TXNDC8: variants seen among roughly 807,000 people sequenced by gnomAD.
The protein encoded by TXNDC8 is thioredoxin domain containing 8.
In TXNDC8, 15 loss-of-function variants were observed where a neutral mutation model predicts 12.9. That is an observed-to-expected ratio of 1.16 (90% CI 0.78 to 1.79). The LOEUF (loss-of-function observed/expected upper bound fraction) is 1.79, where lower values mean the gene tolerates loss of function less well. Ranked by LOEUF, TXNDC8 falls within the 40% of genes most tolerant of loss-of-function variation. The pLI is 0.00. For missense variants in TXNDC8, 128 were observed against 113.2 expected (o/e 1.13, Z -0.59); for synonymous variants, 40 against 35.4 (o/e 1.13, Z -0.46).
intron 3 of TXNDC8, among the ~76,000 whole-genome samples, chr9:110,307,029 A>AC (rs1353843637): frequency 6.6e-6 from 1 of 151,452 alleles, no homozygotes; most frequent in Admixed American, 6.6e-5. Context: ...GCAGTCTTGA[A>AC]CCCCAGGGCT....
At chr9:110,304,938 A>AG (rs1838372610) in intron 3 of TXNDC8, among the ~76,000 whole-genome samples, 1 of 152,120 alleles carries the variant, frequency 6.6e-6, no homozygotes, top group Admixed American at 6.5e-5. Flanking sequence ...ACTTGAGATC[A>AG]GGAGTTTGAA....
chr9:110,303,907 A>G (rs1268051547), intron 4 of TXNDC8, among the ~76,000 whole-genome samples: 5 of 152,218 alleles, frequency 3.3e-5, no homozygotes, highest in Non-Finnish European at 5.9e-5. Flanking sequence ...GCTCTTATAC[A>G]TTGGTATCGA....
At chr9:110,314,092 CA>C (rs1353955071) in intron 3 of TXNDC8, among the ~76,000 whole-genome samples, 1 of 152,220 alleles carries the variant, frequency 6.6e-6, no homozygotes, top group Non-Finnish European at 1.5e-5. Context: ...CCATTCTATT[CA>C]AACTCACCCC....
rs1219309061 is a variant in TXNDC8, at chr9:110,323,990, G to C, written c.195+2185C>G. The C allele has an allele frequency of 6.5e-6, 10 of 1,550,356 alleles. No homozygotes were observed. The East Asian group carries it at 2.4e-4, about 38-fold the overall frequency. On this transcript the variant is annotated intron_variant, in intron 3 of 4. Transcript: ENST00000423740. ...GGAGTTCACTGGTTGGTGTAGGCCT[G>C]GAGATGGAGCCCTAAGGAAGTACAT...
chr9:110,307,244 T>C (rs1419138084), intron 3 of TXNDC8, among the ~76,000 whole-genome samples: 2 of 152,098 alleles, frequency 1.3e-5, no homozygotes, highest in African/African-American at 4.8e-5. Flanking sequence ...TAAATCACTG[T>C]GCCTGGCTTT....
intron 2 of TXNDC8, among the ~76,000 whole-genome samples, chr9:110,331,330 C>A (rs760506962): frequency 2.6e-5 from 4 of 152,148 alleles, no homozygotes. Context: ...GCTTCTGACT[C>A]TGACCGCTGC....
At chr9:110,321,892 T>G (rs1392210586) in intron 3 of TXNDC8, among the ~76,000 whole-genome samples, 6 of 152,102 alleles carry the variant, frequency 3.9e-5, no homozygotes, top group Non-Finnish European at 8.8e-5. Flanking sequence ...AATGTAGAAG[T>G]GGGGACCTCA....
chr9:110,311,692 A>G (rs1422655547), intron 3 of TXNDC8, among the ~76,000 whole-genome samples: 1 of 139,630 alleles, frequency 7.2e-6, no homozygotes, highest in Non-Finnish European at 1.5e-5. Flanking sequence ...ATATATATAT[A>G]TATACATGGA....
At chr9:110,328,187 C>G (rs1029803912) in intron 2 of TXNDC8, among the ~76,000 whole-genome samples, 4 of 152,158 alleles carry the variant, frequency 2.6e-5, no homozygotes, top group Non-Finnish European at 2.9e-5. Context: ...GTAGATATCA[C>G]TTTTTTCATT....
intron 2 of TXNDC8, among the ~76,000 whole-genome samples, chr9:110,333,366 A>T (rs1839617799): frequency 6.6e-6 from 1 of 152,150 alleles, no homozygotes; most frequent in Non-Finnish European, 1.5e-5. Context: ...TTAATACCTG[A>T]TGATCTGAGG....
At chr9:110,322,764 G>C in intron 3 of TXNDC8, 4 of 985,544 alleles carry the variant, frequency 4.1e-6, no homozygotes, top group Non-Finnish European at 4.8e-6. Flanking sequence ...GACAGAATCA[G>C]GAGGAGAGGC....
intron 2 of TXNDC8, among the ~76,000 whole-genome samples, chr9:110,329,991 G>A (rs1839488645): frequency 6.6e-6 from 1 of 152,128 alleles, no homozygotes. Flanking sequence ...TGGCAGTGAC[G>A]GTGACCATGG....
At chr9:110,333,301 A>G (rs897762248) in intron 2 of TXNDC8, among the ~76,000 whole-genome samples, 1 of 152,170 alleles carries the variant, frequency 6.6e-6, no homozygotes, top group Non-Finnish European at 1.5e-5. Context: ...AGGAGCAAGA[A>G]CCGTATTCTG....
At chr9:110,304,324 G>A (rs543975495) in intron 4 of TXNDC8, 143 bp downstream of exon 5, 90 of 658,376 alleles carry the variant, frequency 1.4e-4, no homozygotes, top group African/African-American at 1.4e-3. Context: ...TTTACTGCCC[G>A]GTGTGCTGCA....
chr9:110,322,390 T>C, intron 3 of TXNDC8: 1 of 985,458 alleles, frequency 1.0e-6, no homozygotes, highest in East Asian at 1.1e-4. Flanking sequence ...AATTCAGATT[T>C]GAGATCTTTA....
intron 3 of TXNDC8, among the ~76,000 whole-genome samples, chr9:110,305,422 T>C (rs1307303092): frequency 1.3e-5 from 2 of 152,162 alleles, no homozygotes; most frequent in Non-Finnish European, 2.9e-5. Flanking sequence ...TCCATATCTT[T>C]GTAGGGATAT....
rs746561542 is a variant in TXNDC8 at position 110,337,792 on chromosome 9, A to G, written c.5T>C (p.Val2Ala). 1.2e-6 allele frequency: 2 copies of G among 1,613,762 alleles called. No individual in the cohort carries two copies. Among genetic ancestry groups the G allele is most frequent in the African/African-American group, 2.7e-5 (2 of 74,924 alleles). The change falls in exon 1 of 5, where the codon GTA becomes GCA. Residue 2 changes from valine (V) to alanine (A), a missense_variant. Val to Ala is a moderately conservative substitution (Grantham distance 64, BLOSUM62 0). Transcript: ENST00000423740. Reference sequence around the variant, plus strand: ...ACTTGCCGTGTCTTTAATAATCTGTACCATGATTACACCAGGGAAGTGCTG... The same window carrying G: ...ACTTGCCGTGTCTTTAATAATCTGTGCCATGATTACACCAGGGAAGTGCTG...
intron 3 of TXNDC8, among the ~76,000 whole-genome samples, chr9:110,310,662 A>C (rs2118730063): frequency 6.6e-6 from 1 of 152,234 alleles, no homozygotes; most frequent in East Asian, 1.9e-4. Context: ...TGCTTTTTCA[A>C]GTTTATGTAA....
intron 3 of TXNDC8, among the ~76,000 whole-genome samples, chr9:110,314,297 A>G (rs1183287246): frequency 6.6e-6 from 1 of 152,102 alleles, no homozygotes; most frequent in Non-Finnish European, 1.5e-5. Context: ...GCCTCCCTAC[A>G]ATGTATAAAA....
Sources: allele counts gnomAD v4.1 joint callset (sites outside exome capture counted in the v4.1 genomes callset), GRCh38; gene constraint gnomAD v4.1.1; transcripts MANE v1.5; gene names NCBI Gene and HGNC (gene_info 2026-07-23, HGNC 2026-07-21).